CYP3A7: variants seen among roughly 807,000 people sequenced by gnomAD.
CYP3A7 encodes the protein cytochrome P450 family 3 subfamily A member 7.
In CYP3A7, 45 loss-of-function variants were observed where a neutral mutation model predicts 55.2. That is an observed-to-expected ratio of 0.82 (90% confidence interval 0.64 to 1.05). CYP3A7 has a LOEUF of 1.05. Ranked by LOEUF, CYP3A7 falls within the 50% of genes least tolerant of loss-of-function variation. The pLI, the probability that CYP3A7 is intolerant of heterozygous loss-of-function variation, is 0.00. For missense variants in CYP3A7, 548 were observed against 605.3 expected, an observed-to-expected ratio of 0.91 and a Z score of 0.99; for synonymous variants, 180 against 207.4, an observed-to-expected ratio of 0.87 and a Z score of 1.13.
chr7:99,723,327 C>T (rs1461320400), intron 2 of CYP3A7, among the ~76,000 whole-genome samples: 1 of 152,186 alleles, frequency 6.6e-6, no homozygotes, highest in Admixed American at 6.5e-5. Flanking sequence ...TCGTGACATT[C>T]TTCTTCTGGA....
In CYP3A7 at chr7:99,731,098, T is replaced by C. The variant is rs750866267; in HGVS notation, c.126A>G (p.Thr42=). The change falls in exon 2 of 13, where the codon ACA becomes ACG. Residue 42 remains threonine, a synonymous_variant. Coordinates refer to ENST00000336374, the MANE Select transcript of CYP3A7 (RefSeq NM_000765.5). Reference sequence around the variant, plus strand: ...AAGCATTTCCCAAAAAAGGCAGAGGTGTGGGCCCTGGAATTCCAAGCTTCT... The same window carrying C: ...AAGCATTTCCCAAAAAAGGCAGAGGCGTGGGCCCTGGAATTCCAAGCTTCT... ...LFKKLGIPGP[T]PLPFLGNALS... 7.4e-6 allele frequency: 12 copies of C among 1,613,548 alleles called. No homozygotes were observed. In the African/African-American group the frequency reaches 1.5e-4, roughly 20 times the overall value.
intron 1 of CYP3A7, among the ~76,000 whole-genome samples, chr7:99,732,772 GTA>G (rs1348453093): frequency 1.3e-5 from 2 of 152,190 alleles, no homozygotes; most frequent in Non-Finnish European, 2.9e-5. Flanking sequence ...AGTACGGTGT[GTA>G]TAAATGGATC....
At chr7:99,710,992 G>C (rs1813728474) in intron 9 of CYP3A7, 100 bp from the exon 10 acceptor site, 1 of 1,580,248 alleles carries the variant, frequency 6.3e-7, no homozygotes, top group Admixed American at 1.8e-5. Context: ...ATCCCCAGGG[G>C]AAAAAATAGA....
At chr7:99,726,821 C>T (rs937860856) in intron 2 of CYP3A7, among the ~76,000 whole-genome samples, 1 of 152,170 alleles carries the variant, frequency 6.6e-6, no homozygotes, top group African/African-American at 2.4e-5. Flanking sequence ...ATCGGGTATC[C>T]CCCTCCAAAG....
intron 12 of CYP3A7, 116 bp from the exon 13 acceptor site, chr7:99,705,711 C>T (rs1249416273): frequency 8.8e-6 from 11 of 1,256,820 alleles, no homozygotes; most frequent in African/African-American, 3.0e-5. Context: ...ATAAAAACTA[C>T]TTTCAGCACT....
intron 7 of CYP3A7, 145 bp from the exon 8 acceptor site, chr7:99,714,827 C>A: frequency 7.1e-7 from 1 of 1,414,916 alleles, no homozygotes; most frequent in Non-Finnish European, 9.4e-7. Flanking sequence ...TGACTTTTGC[C>A]CCTCTTCCAG....
intron 4 of CYP3A7, among the ~76,000 whole-genome samples, chr7:99,718,949 C>A (rs546980432): frequency 6.6e-6 from 1 of 152,286 alleles, no homozygotes; most frequent in East Asian, 1.9e-4. Context: ...TCCAACAAAA[C>A]ATGCACAGGA....
Position 99,731,080 on chromosome 7 carries a change from T to TC in CYP3A7, c.143dup (p.Asn49LysfsTer7). ...TCACCTTACGGAAGGACAAAGCATT[T>TC]CCCAAAAAAGGCAGAGGTGTGGGCC... is the stretch of plus-strand genomic sequence containing the variant. On this transcript the variant is annotated frameshift_variant, in exon 2 of 13. Transcript: ENST00000336374. LOFTEE classifies it high-confidence loss of function. 3 of 1,613,774 alleles carry TC rather than the reference T, an allele frequency of 1.9e-6. No homozygotes were observed. The highest frequency in any genetic ancestry group is 2.5e-6 in the Non-Finnish European group (3 of 1,179,776).
At chr7:99,711,521 C>A (rs922586452) in intron 9 of CYP3A7, among the ~76,000 whole-genome samples, 1 of 152,198 alleles carries the variant, frequency 6.6e-6, no homozygotes, top group South Asian at 2.1e-4. Context: ...GTAATCCCAT[C>A]ACTTTGGGAG....
intron 2 of CYP3A7, among the ~76,000 whole-genome samples, chr7:99,726,058 T>G (rs1449807522): frequency 1.3e-5 from 2 of 152,182 alleles, no homozygotes; most frequent in Non-Finnish European, 2.9e-5. Flanking sequence ...ATTATCTGCT[T>G]CTCTGACTAT....
chr7:99,712,649 A>T (rs1813799881), intron 9 of CYP3A7, among the ~76,000 whole-genome samples: 1 of 152,176 alleles, frequency 6.6e-6, no homozygotes, highest in African/African-American at 2.4e-5. Context: ...TGATGGACAG[A>T]TGATAGATAG....
chr7:99,718,304 G>A (rs887249582), intron 4 of CYP3A7, among the ~76,000 whole-genome samples: 4 of 152,066 alleles, frequency 2.6e-5, no homozygotes, highest in South Asian at 4.1e-4. Context: ...AACTCACAAC[G>A]TATTTTGAAG....
At chr7:99,733,689 T>C (rs1814716865) in intron 1 of CYP3A7, among the ~76,000 whole-genome samples, 1 of 152,108 alleles carries the variant, frequency 6.6e-6, no homozygotes, top group African/African-American at 2.4e-5. Context: ...TGACCTCCAC[T>C]AGGGGGCCAG....
At chr7:99,731,765 A>G (rs576526262) in intron 1 of CYP3A7, among the ~76,000 whole-genome samples, 33 of 152,130 alleles carry the variant, frequency 2.2e-4, no homozygotes, top group African/African-American at 7.2e-4. Context: ...CAGAGTCCTT[A>G]TTTCTACAGA....
At chr7:99,715,576 G>A in intron 7 of CYP3A7, 182 bp downstream of exon 7, 2 of 1,081,026 alleles carry the variant, frequency 1.9e-6, no homozygotes, top group Non-Finnish European at 1.3e-6. Flanking sequence ...ACATGTATGA[G>A]GTTTCTAGAA....
chr7:99,733,340 G>A (rs1222858718), intron 1 of CYP3A7, among the ~76,000 whole-genome samples: 3 of 152,188 alleles, frequency 2.0e-5, no homozygotes, highest in Admixed American at 6.5e-5. Flanking sequence ...ATGATTCCAC[G>A]TCAAGGCAGA....
chr7:99,720,584 A>G, intron 3 of CYP3A7, 172 bp from the exon 4 acceptor site: 1 of 669,888 alleles, frequency 1.5e-6, no homozygotes. Flanking sequence ...AGTCTGACAC[A>G]GGAGCCATCC....
intron 1 of CYP3A7, among the ~76,000 whole-genome samples, chr7:99,734,615 C>CT (rs979326791): frequency 3.3e-5 from 5 of 149,894 alleles, no homozygotes; most frequent in East Asian, 3.9e-4. Context: ...CTTTTTTTTT[C>CT]TTTTTTTTCT....
chr7:99,730,977 T>G, intron 2 of CYP3A7, 82 bp downstream of exon 2: 3 of 1,553,798 alleles, frequency 1.9e-6, no homozygotes, highest in East Asian at 2.3e-5. Flanking sequence ...ACCTTCCTCT[T>G]GAGGAGAAGC....
Sources: gnomAD v4.1 joint callset for allele counts (sites outside exome capture counted in the v4.1 genomes callset) on GRCh38, gnomAD v4.1.1 for gene constraint, MANE v1.5 for transcripts, NCBI Gene and HGNC (gene_info 2026-07-23, HGNC 2026-07-21) for gene names.